The following SYDE1 variants were observed in gnomAD, a reference collection of about 807,000 sequenced individuals.
SYDE1 encodes the protein synapse defective Rho GTPase activating protein 1, also known as rho GTPase-activating protein SYDE1.
Under a neutral mutation model 63.3 loss-of-function variants are expected in SYDE1, and 34 were observed. The observed-to-expected ratio is 0.54, with a 90% confidence interval of 0.41 to 0.71. The LOEUF is 0.71. SYDE1 is among the 30% of genes least tolerant of loss of function. The pLI is 0.00. For synonymous variants in SYDE1, 467 were observed against 473.4 expected, an observed-to-expected ratio of 0.99 and a Z score of 0.18; for missense variants, 925 against 1,042.5, an observed-to-expected ratio of 0.89 and a Z score of 1.55.
Position 15,110,160 on chromosome 19 carries a change from A to T in SYDE1, c.887A>T (p.Asp296Val). 7.1e-7 allele frequency: 1 copy of T among 1,405,512 alleles called. No homozygotes were observed. The allele number at this position is 1,405,512 out of a possible 1,614,324, so 87.1% of individuals were successfully genotyped here. A position where few individuals can be genotyped will look rare whatever the true frequency, so the allele number is the denominator to read the frequency against. The stretch of plus-strand genomic sequence containing the variant: ...GACCTCTGCTGCCTACTGCAAGTGG[A>T]TGGGGAGGCCAGGGCCCGAACAGGG... ...PRDLCCLLQVDGEARARTGPL... is the reference protein window; with the variant it reads ...PRDLCCLLQVVGEARARTGPL... The change falls in exon 3 of 8, where the codon GAT becomes GTT. Residue 296 changes from aspartate (D) to valine (V), a missense_variant. Asp to Val is a radical substitution (Grantham distance 152). Coordinates refer to ENST00000342784, the MANE Select transcript of SYDE1 (RefSeq NM_033025.6). This position sits in a 1 kb window ranked among gnomAD's most constrained non-coding sequence, Gnocchi z 6.9.
Position 15,113,852 on chromosome 19 carries a change from C to G in SYDE1, c.2097C>G (p.Phe699Leu). ...EVGEPRVTGD[F>L]EDDFDAPFNP... ...GCGAGCCGAGGGTCACCGGTGACTT[C>G]GAAGACGACTTCGATGCGCCCTTCA... The change falls in exon 8 of 8, where the codon TTC becomes TTG. Residue 699 changes from phenylalanine (F) to leucine (L), a missense_variant. This residue lies in a region of SYDE1 where 255 missense variants were observed against 255.9 expected (regional missense o/e 1.00). Transcript: ENST00000342784. The G allele has an allele frequency of 3.1e-6, 5 of 1,614,184 alleles. No homozygotes were observed. The highest frequency in any genetic ancestry group is 4.2e-6 in the Non-Finnish European group (5 of 1,180,032).
Position 15,114,627 on chromosome 19 carries a change from G to GCCTCCCC in SYDE1, c.*666_*667insTCCCCCC, listed in dbSNP as rs2046372046. The GCCTCCCC allele has an allele frequency of 2.1e-5, 2 of 94,806 alleles. No individual in the cohort carries two copies. 5.9% of individuals were successfully genotyped at this position (94,806 alleles called of 1,614,324 possible). ...ATCCCCATCTCCTTGCCCCCCCCTTGCCCCCCCCCCCGAAAAAAATTGAGC... is the reference window on the plus strand; with the variant it reads ...ATCCCCATCTCCTTGCCCCCCCCTTGCCTCCCCCCCCCCCCCCCGAAAAAAATTGAGC... On this transcript the variant is annotated 3_prime_UTR_variant, in exon 8 of 8. Coordinates refer to ENST00000342784, the MANE Select transcript of SYDE1 (RefSeq NM_033025.6).
Position 15,109,940 on chromosome 19 carries a change from C to T in SYDE1, c.667C>T (p.Arg223Trp), listed in dbSNP as rs1363136677. 6.9e-7 allele frequency: 1 copy of T among 1,459,192 alleles called. No individual in the cohort carries two copies. The highest frequency in any genetic ancestry group is 1.4e-5 in the South Asian group (1 of 73,562). The allele number at this position is 1,459,192 out of a possible 1,614,324, so 90.4% of individuals were successfully genotyped here. Residue 223 changes from arginine (R) to tryptophan (W), a missense_variant, in exon 3 of 8, where the codon CGG becomes TGG. By Grantham distance (101) the Arg-to-Trp change is moderately radical. Around this residue, in one of 3 missense-constraint regions of SYDE1, gnomAD observed 599 missense variants for 653.7 expected, o/e 0.92. Coordinates refer to ENST00000342784, the MANE Select transcript of SYDE1 (RefSeq NM_033025.6). The surrounding 1 kb of genome is among the most constrained non-coding windows in gnomAD (Gnocchi z 5.0). ...GCCGGCAGCAGGGCCTGGGGGCACC[C>T]GGAGCCCGAGGGCCGGTTACCTCAG... The part of the protein sequence containing the change: ...PGPAAGPGGT[R>W]SPRAGYLSDG...
In SYDE1 at chr19:15,110,449, G is replaced by T. The variant is rs1239624533; in HGVS notation, c.1076-72G>T. Reference sequence around the variant, plus strand: ...GGGCTGGGCTCCGGGCGGAAGGTGTGGCCTGGAGCAGCGAGGCCAGGGTAC... The same window carrying T: ...GGGCTGGGCTCCGGGCGGAAGGTGTTGCCTGGAGCAGCGAGGCCAGGGTAC... On this transcript the variant is annotated intron_variant, in intron 3 of 7. Transcript: ENST00000342784. This position sits in a 1 kb window ranked among gnomAD's most constrained non-coding sequence, Gnocchi z 6.9. 1.3e-6 allele frequency: 2 copies of T among 1,499,980 alleles called. No individual in the cohort carries two copies. The highest frequency in any genetic ancestry group is 2.5e-5 in the South Asian group (2 of 80,424). The allele number at this position is 1,499,980 out of a possible 1,614,324, so 92.9% of individuals were successfully genotyped here.
intron 6 of SYDE1, among the ~76,000 whole-genome samples, chr19:15,112,056 A>G (rs939174508): frequency 6.6e-6 from 1 of 152,172 alleles, no homozygotes; most frequent in Non-Finnish European, 1.5e-5. Context: ...TTCCTGGCTG[A>G]GGGAACCTAG....
Position 15,113,741 on chromosome 19 carries a change from C to T in SYDE1, c.1986C>T (p.Phe662=). The change falls in exon 8 of 8, where the codon TTC becomes TTT. Residue 662 remains phenylalanine (F), a synonymous_variant. Transcript: ENST00000342784. ...ACTGGAGCGTTTGCGGGCGGGACTT[C>T]CTGCCCTGTGGGCGGGATTTCCTGT... is the stretch of plus-strand genomic sequence containing the variant. ...AGDWSVCGRD[F]LPCGRDFLSG... is the part of the protein sequence containing the mutation. 6.2e-7 allele frequency: 1 copy of T among 1,613,756 alleles called. No individual in the cohort carries two copies. The highest frequency in any genetic ancestry group is 8.5e-7 in the Non-Finnish European group (1 of 1,179,836).
In SYDE1 at chr19:15,108,749, A is replaced by C; in HGVS notation, c.89-307A>C. On this transcript the variant is annotated intron_variant, in intron 1 of 7. Transcript: ENST00000342784. This position sits in a 1 kb window ranked among gnomAD's most constrained non-coding sequence, Gnocchi z 4.3. Reference sequence around the variant, plus strand: ...TCCATGCCACGGTTATTGAGAGGGTAGAGGAAGTGGAGACTGGAACGCAGT... The same window carrying C: ...TCCATGCCACGGTTATTGAGAGGGTCGAGGAAGTGGAGACTGGAACGCAGT... 4 of 294,108 alleles carry C rather than the reference A, an allele frequency of 1.4e-5. No homozygotes were observed. Among genetic ancestry groups the C allele is most frequent in the Non-Finnish European group, 1.9e-5 (3 of 159,598 alleles). 18.2% of individuals were successfully genotyped at this position (294,108 alleles called of 1,614,324 possible).
rs752008837 is a variant in SYDE1 at position 15,113,826 on chromosome 19, G to A, written c.2071G>A (p.Gly691Ser). The change falls in exon 8 of 8, where the codon GGC (glycine) becomes AGC (serine). Residue 691 changes from glycine to serine, a missense_variant. Coordinates refer to ENST00000342784, the MANE Select transcript of SYDE1 (RefSeq NM_033025.6). The stretch of plus-strand genomic sequence containing the variant: ...CAGCGAGGACGAGGACGAGGAGGTC[G>A]GCGAGCCGAGGGTCACCGGTGACTT... ...SDSEDEDEEV[G>S]EPRVTGDFED... The A allele has an allele frequency of 6.8e-6, 11 of 1,614,006 alleles. No homozygotes were observed. The African/African-American group carries it at 1.1e-4, about 16-fold the overall frequency.
rs1354018121 is a variant in SYDE1, at chr19:15,114,275, T to C, written c.*312T>C. The C allele has an allele frequency of 5.6e-6, 2 of 357,678 alleles. No homozygotes were observed. The highest frequency in any genetic ancestry group is 4.2e-5 in the African/African-American group (2 of 47,470). The allele number at this position is 357,678 out of a possible 1,614,324, so 22.2% of individuals were successfully genotyped here. A position where few individuals can be genotyped will look rare whatever the true frequency, so the allele number is the denominator to read the frequency against. On this transcript the variant is annotated 3_prime_UTR_variant, in exon 8 of 8. Coordinates refer to ENST00000342784, the MANE Select transcript of SYDE1 (RefSeq NM_033025.6). ...AGTTCTCGCGCTTGCTAGGCTGGCCTCTCTTGCCTCCCCTTGGCCGGGGCA... is the reference window on the plus strand; with the variant it reads ...AGTTCTCGCGCTTGCTAGGCTGGCCCCTCTTGCCTCCCCTTGGCCGGGGCA...
Position 15,111,414 on chromosome 19 carries a change from G to C in SYDE1, c.1392G>C (p.Leu464=), listed in dbSNP as rs1412843223. The C allele has an allele frequency of 1.9e-6, 3 of 1,614,080 alleles. No homozygotes were observed. The highest frequency in any genetic ancestry group is 4.5e-5 in the East Asian group (2 of 44,872). Residue 464 remains leucine, a synonymous_variant, in exon 5 of 8, where the codon CTG becomes CTC. Coordinates refer to ENST00000342784, the MANE Select transcript of SYDE1 (RefSeq NM_033025.6). This position sits in a 1 kb window ranked among gnomAD's most constrained non-coding sequence, Gnocchi z 5.5. The part of the protein sequence containing the change: ...DSAAVCLSED[L]YPDINVITGI... ...CAGCGGTCTGCCTATCTGAGGACCTGTACCCCGATATCAATGTCATCACTG... is the reference window on the plus strand; with the variant it reads ...CAGCGGTCTGCCTATCTGAGGACCTCTACCCCGATATCAATGTCATCACTG...
Position 15,109,506 on chromosome 19 carries a change from C to T in SYDE1, c.430+109C>T, listed in dbSNP as rs781342593. On this transcript the variant is annotated intron_variant, in intron 2 of 7. Coordinates refer to ENST00000342784, the MANE Select transcript of SYDE1 (RefSeq NM_033025.6). This position sits in a 1 kb window ranked among gnomAD's most constrained non-coding sequence, Gnocchi z 5.0. Reference sequence around the variant, plus strand: ...TCCCTCCTCCCAGAGGAGCACCAACCTCACACTCCTTCCCTTCAGGGGAGC... The same window carrying T: ...TCCCTCCTCCCAGAGGAGCACCAACTTCACACTCCTTCCCTTCAGGGGAGC... 7.7e-7 allele frequency: 1 copy of T among 1,291,380 alleles called. No homozygotes were observed. The highest frequency in any genetic ancestry group is 1.0e-6 in the Non-Finnish European group (1 of 958,370). The allele number at this position is 1,291,380 out of a possible 1,614,324, so 80.0% of individuals were successfully genotyped here.
chr19:15,110,197 G>T lies in SYDE1; in HGVS notation c.924G>T (p.Gly308=). The change falls in exon 3 of 8, where the codon GGG becomes GGT. Residue 308 remains glycine (G), a synonymous_variant. Coordinates refer to ENST00000342784, the MANE Select transcript of SYDE1 (RefSeq NM_033025.6). The surrounding 1 kb of genome is among the most constrained non-coding windows in gnomAD (Gnocchi z 6.9). ...GGGCCCGAACAGGGCCACTGCGAGG[G>T]GGGCCGGACTTCCTGCGGCTGGACC... ...EARARTGPLR[G]GPDFLRLDHT... 7.1e-7 allele frequency: 1 copy of T among 1,414,470 alleles called. No homozygotes were observed. 87.6% of individuals were successfully genotyped at this position (1,414,470 alleles called of 1,614,324 possible). A position where few individuals can be genotyped will look rare whatever the true frequency, so the allele number is the denominator to read the frequency against.
rs1026697978 is a variant in SYDE1, at chr19:15,113,721, A to G, written c.1966A>G (p.Ser656Gly). ...PPSNRYAGDW[S>G]VCGRDFLPCG... ...GAGCAACCGCTACGCCGGCGACTGG[A>G]GCGTTTGCGGGCGGGACTTCCTGCC... Residue 656 changes from serine (S) to glycine (G), a missense_variant, in exon 8 of 8, where the codon AGC (serine) becomes GGC (glycine). Ser to Gly is a moderately conservative substitution (Grantham distance 56). Around this residue, in one of 3 missense-constraint regions of SYDE1, gnomAD observed 255 missense variants for 255.9 expected, o/e 1.00. Transcript: ENST00000342784. 1.2e-6 allele frequency: 2 copies of G among 1,613,514 alleles called. No homozygotes were observed. The highest frequency in any genetic ancestry group is 2.7e-5 in the African/African-American group (2 of 74,942).
chr19:15,109,861 T>C lies in SYDE1; in HGVS notation c.588T>C (p.Pro196=). ...GCAGGGAGCGCGAGAGGGCTGCCCC[T>C]GCGGGCTCCGTCATCAGCCGCTACC... ...RAGRERERAA[P]AGSVISRYHL... The change falls in exon 3 of 8, where the codon CCT becomes CCC. Residue 196 remains proline (P), a synonymous_variant. Coordinates refer to ENST00000342784, the MANE Select transcript of SYDE1 (RefSeq NM_033025.6). The surrounding 1 kb of genome is among the most constrained non-coding windows in gnomAD (Gnocchi z 5.0). 6.6e-7 allele frequency: 1 copy of C among 1,526,408 alleles called. No homozygotes were observed. The highest frequency in any genetic ancestry group is 2.5e-5 in the East Asian group (1 of 40,284). The allele number at this position is 1,526,408 out of a possible 1,614,324, so 94.6% of individuals were successfully genotyped here. A position where few individuals can be genotyped will look rare whatever the true frequency, so the allele number is the denominator to read the frequency against.
rs1251262134 is a variant in SYDE1 at position 15,111,899 on chromosome 19, A to AT, written c.1578+108dup. The AT allele has an allele frequency of 8.6e-7, 1 of 1,157,050 alleles. No individual in the cohort carries two copies. The highest frequency in any genetic ancestry group is 1.2e-6 in the Non-Finnish European group (1 of 834,122). 71.7% of individuals were successfully genotyped at this position (1,157,050 alleles called of 1,614,324 possible). A position where few individuals can be genotyped will look rare whatever the true frequency, so the allele number is the denominator to read the frequency against. On this transcript the variant is annotated intron_variant, in intron 6 of 7. Coordinates refer to ENST00000342784, the MANE Select transcript of SYDE1 (RefSeq NM_033025.6). This position sits in a 1 kb window ranked among gnomAD's most constrained non-coding sequence, Gnocchi z 5.5. ...ATGGGCATGAGCTGGCAGCATCATC[A>AT]TATCCCCAAGAAATAGGTGCTATTA... is the stretch of plus-strand genomic sequence containing the variant.
Position 15,114,894 on chromosome 19 carries a change from T to C in SYDE1, c.*931T>C, listed in dbSNP as rs2046375555. ...GCCTCAGTGGGCCCCAGAGTTCCAG[T>C]GGGAGAGTACGGTTCCCTCCTGTCT... On this transcript the variant is annotated 3_prime_UTR_variant, in exon 8 of 8. Transcript: ENST00000342784. 6.0e-6 allele frequency: 2 copies of C among 334,694 alleles called. No individual in the cohort carries two copies. The highest frequency in any genetic ancestry group is 4.3e-5 in the Admixed American group (1 of 23,316). The allele number at this position is 334,694 out of a possible 1,614,324, so 20.7% of individuals were successfully genotyped here.
chr19:15,109,390 C>A lies in SYDE1; in HGVS notation c.423C>A (p.Ala141=). 1 of 1,543,614 alleles carries A rather than the reference C, an allele frequency of 6.5e-7. No homozygotes were observed. Among genetic ancestry groups the A allele is most frequent in the African/African-American group, 1.4e-5 (1 of 72,546 alleles). Residue 141 remains alanine (A), a synonymous_variant, in exon 2 of 8, where the codon GCC becomes GCA. Transcript: ENST00000342784. The surrounding 1 kb of genome is among the most constrained non-coding windows in gnomAD (Gnocchi z 5.0). Reference sequence around the variant, plus strand: ...GCTCAGCTGAGTCAGAGGGCCTGGCCCCCCAAGGTAAGAACAAGCTTCCCA... The same window carrying A: ...GCTCAGCTGAGTCAGAGGGCCTGGCACCCCAAGGTAAGAACAAGCTTCCCA... The part of the protein sequence containing the change: ...QPGSAESEGL[A]PQGAAPASPP...
chr19:15,110,373 G>T lies in SYDE1; in HGVS notation c.1075+25G>T, dbSNP rs1487455706. On this transcript the variant is annotated intron_variant, in intron 3 of 7. Coordinates refer to ENST00000342784, the MANE Select transcript of SYDE1 (RefSeq NM_033025.6). The surrounding 1 kb of genome is among the most constrained non-coding windows in gnomAD (Gnocchi z 6.9). Reference sequence around the variant, plus strand: ...GGTAGGACATGCGGCTGCAGGGGAGGAGGGGCAGGGACCCCCAAACCCCAC... The same window carrying T: ...GGTAGGACATGCGGCTGCAGGGGAGTAGGGGCAGGGACCCCCAAACCCCAC... 1 of 1,436,378 alleles carries T rather than the reference G, an allele frequency of 7.0e-7. No individual in the cohort carries two copies. The highest frequency in any genetic ancestry group is 1.5e-5 in the South Asian group (1 of 68,104). The allele number at this position is 1,436,378 out of a possible 1,614,324, so 89.0% of individuals were successfully genotyped here. A position where few individuals can be genotyped will look rare whatever the true frequency, so the allele number is the denominator to read the frequency against.
chr19:15,113,252 C>G (rs2046357172), intron 7 of SYDE1, among the ~76,000 whole-genome samples: 2 of 152,112 alleles, frequency 1.3e-5, no homozygotes, highest in Non-Finnish European at 2.9e-5. Context: ...GTTGGCCAGG[C>G]TGGTCTTGAA....
Sources: allele counts gnomAD v4.1 joint callset (sites outside exome capture counted in the v4.1 genomes callset), GRCh38; gene constraint gnomAD v4.1.1; regional missense constraint gnomAD v4.1.1; non-coding constraint Gnocchi (gnomAD v3.1); transcripts MANE v1.5; gene names NCBI Gene and HGNC (gene_info 2026-07-23, HGNC 2026-07-21).